Variants in PDE3A observed in about 807,000 individuals in gnomAD.
PDE3A encodes the protein cGMP-inhibited 3',5'-cyclic phosphodiesterase 3A.
PDE3A carries 43 observed loss-of-function variants against 98.3 expected under a neutral mutation model. That is an observed-to-expected ratio of 0.44 (90% CI 0.34 to 0.56). The LOEUF (loss-of-function observed/expected upper bound fraction) is 0.56. PDE3A is among the 20% of genes least tolerant of loss of function. PDE3A has a pLI of 0.01. For synonymous variants in PDE3A, 663 were observed against 567.9 expected (o/e 1.17, Z -2.38); for missense variants, 1,427 against 1,440.7 (o/e 0.99, Z 0.15).
In PDE3A at chr12:20,664,365, T is replaced by C. The variant is rs576468239; in HGVS notation, c.3184+10160T>C. ...TGAGGGTACTGAGAGTTAAATGATA[T>C]TCTGGTTGCTTGGAAAAGAACAGAC... is the stretch of plus-strand genomic sequence containing the variant. On this transcript the variant is annotated intron_variant, in intron 15 of 15. Transcript: ENST00000359062. Among the ~76,000 whole-genome samples the C allele has an allele frequency of 8.5e-5, 13 of 152,294 alleles. No homozygotes were observed. In the East Asian group the frequency reaches 1.2e-3, roughly 14 times the overall value.
chr12:20,409,821 A>T (rs1944301094), intron 1 of PDE3A, among the ~76,000 whole-genome samples: 1 of 152,212 alleles, frequency 6.6e-6, no homozygotes, highest in African/African-American at 2.4e-5. Flanking sequence ...TCTTTTACAG[A>T]TTAACTATTT....
chr12:20,412,704 A>G (rs1944355748), intron 1 of PDE3A, among the ~76,000 whole-genome samples: 2 of 152,154 alleles, frequency 1.3e-5, no homozygotes, highest in South Asian at 2.1e-4. Flanking sequence ...TTTCTTTTGA[A>G]CTACTCCGTT....
chr12:20,523,527 A>G (rs1240287560), intron 1 of PDE3A, among the ~76,000 whole-genome samples: 1 of 152,158 alleles, frequency 6.6e-6, no homozygotes, highest in African/African-American at 2.4e-5. Context: ...CTTTCTTTTT[A>G]AGTTAATAGT....
intron 5 of PDE3A, among the ~76,000 whole-genome samples, chr12:20,628,679 GT>G (rs1944317531): frequency 6.6e-6 from 1 of 152,260 alleles, no homozygotes; most frequent in East Asian, 1.9e-4. Context: ...ACTAGAAGGG[GT>G]TGCTGCTCTT....
intron 2 of PDE3A, among the ~76,000 whole-genome samples, chr12:20,578,281 C>G (rs1942983043): frequency 1.3e-5 from 2 of 152,086 alleles, no homozygotes. Context: ...GACCCCAGTT[C>G]TCAAAACAGG....
chr12:20,622,773 A>G (rs4340100), intron 5 of PDE3A, among the ~76,000 whole-genome samples: 48,759 of 151,898 alleles, frequency 0.32, 7,913 homozygotes, highest in Admixed American at 0.39. Context: ...TGCTAAAGTG[A>G]TTTTAGGTAT....
rs1390457689 is a variant in PDE3A at position 20,646,827 on chromosome 12, C to T, written c.2442C>T (p.Tyr814=). Residue 814 remains tyrosine, a synonymous_variant, in exon 12 of 16, where the codon TAC becomes TAT. Coordinates refer to ENST00000359062, the MANE Select transcript of PDE3A (RefSeq NM_000921.5). The part of the protein sequence containing the change: ...SKTYNVTDDK[Y]GCLSGNIPAL... The stretch of plus-strand genomic sequence containing the variant: ...CGTATAATGTGACAGATGATAAATA[C>T]GGATGTCTGTCTGGGAATATCCCTG... 1.8e-5 allele frequency: 29 copies of T among 1,609,684 alleles called. No homozygotes were observed. The highest frequency in any genetic ancestry group is 1.0e-4 in the Admixed American group (6 of 59,978).
Position 20,515,723 on chromosome 12 carries a change from T to TTTATTTAG in PDE3A, c.961-40930_961-40929insGTTATTTA, listed in dbSNP as rs1174776428. 1.9e-4 allele frequency among the ~76,000 whole-genome samples: 29 copies of TTTATTTAG among 149,730 alleles called. No individual in the cohort carries two copies. In the East Asian group the frequency reaches 2.0e-3, roughly 10 times the overall value. On this transcript the variant is annotated intron_variant, in intron 1 of 15. Transcript: ENST00000359062. ...TATTATTTATTTATTTATTTATTTATTTATTTATTTATTTATTTATTTATT... is the reference window on the plus strand; with the variant it reads ...TATTATTTATTTATTTATTTATTTATTTATTTAGTTATTTATTTATTTATTTATTTATT...
intron 1 of PDE3A, among the ~76,000 whole-genome samples, chr12:20,543,312 T>G (rs2121226405): frequency 6.6e-6 from 1 of 152,080 alleles, no homozygotes; most frequent in South Asian, 2.1e-4. Context: ...TTTGATTGTG[T>G]TTCCAACTAA....
chr12:20,397,907 C>T (rs776219455), intron 1 of PDE3A, among the ~76,000 whole-genome samples: 32 of 152,052 alleles, frequency 2.1e-4, no homozygotes, highest in Middle Eastern at 3.4e-3. Context: ...GGATTGTTCA[C>T]GATCTTATTG....
At position 20,425,109 on chromosome 12, in the gene PDE3A, A is replaced by G. The variant is rs573157717; in HGVS notation, c.960+54865A>G. Among the ~76,000 whole-genome samples the G allele has an allele frequency of 3.9e-5, 6 of 152,332 alleles. No individual in the cohort carries two copies. The South Asian group carries it at 8.3e-4, about 21-fold the overall frequency. On this transcript the variant is annotated intron_variant, in intron 1 of 15. Transcript: ENST00000359062. ...TCAACTTGCATTTGCAGGAACACACATGGGTTGCCAAAAATATCCATTTAG... is the reference window on the plus strand; with the variant it reads ...TCAACTTGCATTTGCAGGAACACACGTGGGTTGCCAAAAATATCCATTTAG...
intron 1 of PDE3A, among the ~76,000 whole-genome samples, chr12:20,468,667 T>G (rs1945385167): frequency 6.6e-6 from 1 of 152,164 alleles, no homozygotes; most frequent in Admixed American, 6.5e-5. Flanking sequence ...CTAAGATAAT[T>G]ATTTCACTGT....
intron 1 of PDE3A, among the ~76,000 whole-genome samples, chr12:20,435,611 A>T (rs1369033018): frequency 6.6e-6 from 1 of 152,134 alleles, no homozygotes; most frequent in Non-Finnish European, 1.5e-5. Flanking sequence ...TGGTTCCTGG[A>T]TCTAATTCCT....
At chr12:20,636,287 A>G (rs1310286300) in intron 8 of PDE3A, among the ~76,000 whole-genome samples, 2 of 152,210 alleles carry the variant, frequency 1.3e-5, no homozygotes, top group East Asian at 1.9e-4. Context: ...GGCAAGTGGT[A>G]GAAAACTGTT....
chr12:20,376,565 C>T (rs574892846), intron 1 of PDE3A, among the ~76,000 whole-genome samples: 2 of 151,904 alleles, frequency 1.3e-5, no homozygotes, highest in African/African-American at 2.4e-5. Flanking sequence ...ACTGAAAAGT[C>T]TAACTTTGTG....
chr12:20,425,060 C>T (rs993165896), intron 1 of PDE3A, among the ~76,000 whole-genome samples: 4 of 152,194 alleles, frequency 2.6e-5, no homozygotes, highest in African/African-American at 9.6e-5. Flanking sequence ...TTTGAAAGAA[C>T]TGACAAAAGA....
At chr12:20,470,347 G>C (rs1487261420) in intron 1 of PDE3A, among the ~76,000 whole-genome samples, 1 of 152,090 alleles carries the variant, frequency 6.6e-6, no homozygotes, top group Non-Finnish European at 1.5e-5. Context: ...GGACTCTGAG[G>C]CTCTGAGTTC....
At chr12:20,554,378 A>T (rs1037221075) in intron 1 of PDE3A, among the ~76,000 whole-genome samples, 15 of 147,916 alleles carry the variant, frequency 1.0e-4, no homozygotes, top group African/African-American at 3.7e-4. Flanking sequence ...AAAAATAAAA[A>T]AAATAAAAAA....
At chr12:20,421,959 A>G (rs1045791775) in intron 1 of PDE3A, among the ~76,000 whole-genome samples, 1 of 152,206 alleles carries the variant, frequency 6.6e-6, no homozygotes, top group African/African-American at 2.4e-5. Flanking sequence ...AGTTTTATGA[A>G]TATAATAGTA....
Sources: gnomAD v4.1 joint callset for allele counts (sites outside exome capture counted in the v4.1 genomes callset) on GRCh38, gnomAD v4.1.1 for gene constraint, MANE v1.5 for transcripts, NCBI Gene and HGNC (gene_info 2026-07-23, HGNC 2026-07-21) for gene names.